ARHGEF12: variants seen among roughly 807,000 people sequenced by gnomAD.
ARHGEF12 encodes Rho guanine nucleotide exchange factor 12.
A neutral mutation model predicts 211.2 loss-of-function variants in ARHGEF12; 66 were observed. That is an observed-to-expected ratio of 0.31 (90% CI 0.26 to 0.38). ARHGEF12 has a LOEUF of 0.38. Ranked by LOEUF, ARHGEF12 falls within the 10% of genes least tolerant of loss-of-function variation. The probability of loss-of-function intolerance (pLI) is 1.00; values close to 1 mark genes in which losing one functional copy is unlikely to be tolerated. For missense variants in ARHGEF12, 1,429 were observed against 1,869.5 expected (o/e 0.76, Z 4.34); for synonymous variants, 592 against 638.4 (o/e 0.93, Z 1.09).
chr11:120,366,390 C>T (rs1463706661), intron 1 of ARHGEF12, among the ~76,000 whole-genome samples: 2 of 152,074 alleles, frequency 1.3e-5, no homozygotes, highest in East Asian at 1.9e-4. Flanking sequence ...ACTTCTGGCC[C>T]CAAGCAGTCC....
At chr11:120,373,958 C>T (rs1943657188) in intron 1 of ARHGEF12, among the ~76,000 whole-genome samples, 1 of 152,166 alleles carries the variant, frequency 6.6e-6, no homozygotes, top group African/African-American at 2.4e-5. Flanking sequence ...CAGGCATGCA[C>T]CACCACGCCC....
chr11:120,422,754 A>G (rs1018885759), intron 6 of ARHGEF12, among the ~76,000 whole-genome samples: 1 of 152,186 alleles, frequency 6.6e-6, no homozygotes, highest in Non-Finnish European at 1.5e-5. Flanking sequence ...ATAAAGATAT[A>G]AGAATCACTA....
chr11:120,347,009 C>T (rs746583292), intron 1 of ARHGEF12, among the ~76,000 whole-genome samples: 2 of 152,090 alleles, frequency 1.3e-5, no homozygotes, highest in African/African-American at 4.8e-5. Flanking sequence ...CAGCAGAGCA[C>T]GTTCATAGAG....
chr11:120,448,156 T>C, intron 19 of ARHGEF12, 78 bp from the exon 20 acceptor site: 1 of 1,108,896 alleles, frequency 9.0e-7, no homozygotes, highest in Non-Finnish European at 1.3e-6. Context: ...CTTGGGGTTT[T>C]GGAAATCATT....
intron 11 of ARHGEF12, among the ~76,000 whole-genome samples, chr11:120,432,727 A>G (rs377659941): frequency 6.6e-6 from 1 of 152,326 alleles, no homozygotes. Context: ...TTACATATAC[A>G]CACATCTACT....
At chr11:120,477,094 TTG>T in intron 34 of ARHGEF12, 123 bp from the exon 35 acceptor site, 1 of 678,300 alleles carries the variant, frequency 1.5e-6, no homozygotes, top group Non-Finnish European at 2.5e-6. Context: ...GTTGTTGTTG[TTG>T]TTGTTGTTGT....
At chr11:120,374,674 TTTTAG>T (rs1354521913) in intron 1 of ARHGEF12, among the ~76,000 whole-genome samples, 1 of 152,226 alleles carries the variant, frequency 6.6e-6, no homozygotes, top group Admixed American at 6.5e-5. Flanking sequence ...ACCTCGTGAA[TTTTAG>T]TTTAATGATC....
intron 29 of ARHGEF12, among the ~76,000 whole-genome samples, chr11:120,468,473 G>A (rs1239820131): frequency 1.3e-5 from 2 of 152,094 alleles, no homozygotes; most frequent in Non-Finnish European, 2.9e-5. Flanking sequence ...TTTTGAGACG[G>A]AGTCTCGCTC....
intron 1 of ARHGEF12, among the ~76,000 whole-genome samples, chr11:120,358,922 C>A (rs1438484569): frequency 6.6e-6 from 1 of 152,136 alleles, no homozygotes; most frequent in East Asian, 1.9e-4. Context: ...GAAGGCTCAA[C>A]TGCACCTGGT....
Position 120,485,150 on chromosome 11 carries a change from C to G in ARHGEF12, c.*73C>G, listed in dbSNP as rs1024539905. 3.1e-5 allele frequency: 49 copies of G among 1,581,962 alleles called. No homozygotes were observed. Among genetic ancestry groups the G allele is most frequent in the Non-Finnish European group, 4.0e-5 (46 of 1,152,696 alleles). On this transcript the variant is annotated 3_prime_UTR_variant, in exon 41 of 41. Coordinates refer to ENST00000397843, the MANE Select transcript of ARHGEF12 (RefSeq NM_015313.3). ...GGCCGTGTCTCACCACATCCTGGCT[C>G]CAGTGTGGATGCAGAGAGAGTGTGA...
At position 120,336,916 on chromosome 11, in the gene ARHGEF12, C is replaced by A; in HGVS notation, c.-328C>A. 2.3e-6 allele frequency: 1 copy of A among 434,802 alleles called. No homozygotes were observed. The highest frequency in any genetic ancestry group is 4.0e-6 in the Non-Finnish European group (1 of 247,824). The allele number at this position is 434,802 out of a possible 1,614,324, so 26.9% of individuals were successfully genotyped here. A position where few individuals can be genotyped will look rare whatever the true frequency, so the allele number is the denominator to read the frequency against. Reference sequence around the variant, plus strand: ...TCCCGCCCCAGCCCCGGCGGGAGTCCCGGGTCCCCTTCCCACTGCGCGCGG... The same window carrying A: ...TCCCGCCCCAGCCCCGGCGGGAGTCACGGGTCCCCTTCCCACTGCGCGCGG... On this transcript the variant is annotated 5_prime_UTR_variant, in exon 1 of 41. Coordinates refer to ENST00000397843, the MANE Select transcript of ARHGEF12 (RefSeq NM_015313.3).
chr11:120,354,444 C>G (rs981192596), intron 1 of ARHGEF12, among the ~76,000 whole-genome samples: 2 of 152,220 alleles, frequency 1.3e-5, no homozygotes, highest in Non-Finnish European at 2.9e-5. Context: ...CCACACACCC[C>G]ATATGAGCCA....
chr11:120,401,845 G>A (rs1372253519), intron 1 of ARHGEF12, among the ~76,000 whole-genome samples: 1 of 152,068 alleles, frequency 6.6e-6, no homozygotes, highest in Non-Finnish European at 1.5e-5. Flanking sequence ...ATATTTCTAT[G>A]CATTTTACTT....
In ARHGEF12 at chr11:120,479,927, GT is replaced by G. The variant is rs201551205; in HGVS notation, c.3767-25del. The G allele has an allele frequency of 2.5e-4, 398 of 1,570,386 alleles. 2 individuals are homozygous for G. Among genetic ancestry groups the G allele is most frequent in the East Asian group, 6.3e-4 (28 of 44,408 alleles). On this transcript the variant is annotated intron_variant, in intron 37 of 40. Transcript: ENST00000397843. ...AGCCTGAGGTTATAGTTGTGAATAT[GT>G]TTTTTTTCCCCCTCCTTCCTAAATC...
intron 34 of ARHGEF12, 89 bp downstream of exon 34, chr11:120,476,837 T>C (rs775893310): frequency 6.1e-5 from 66 of 1,086,598 alleles, no homozygotes; most frequent in Non-Finnish European, 8.5e-5. Flanking sequence ...GTTTTTATAA[T>C]GTATGGAAAC....
chr11:120,475,306 T>C (rs772132277), intron 32 of ARHGEF12, 34 bp from the exon 33 acceptor site: 1 of 1,595,410 alleles, frequency 6.3e-7, no homozygotes, highest in Admixed American at 1.7e-5. Flanking sequence ...TCCATTTCTG[T>C]ACTTACCATT....
At chr11:120,406,032 T>C in intron 1 of ARHGEF12, 86 bp from the exon 2 acceptor site, 2 of 1,018,356 alleles carry the variant, frequency 2.0e-6, no homozygotes, top group Non-Finnish European at 2.9e-6. Flanking sequence ...AAATCTCTTA[T>C]TCTGGTTCAG....
At chr11:120,450,050 G>A (rs934370522) in intron 21 of ARHGEF12, 6 of 152,166 alleles carry the variant, frequency 3.9e-5, no homozygotes, top group Non-Finnish European at 5.9e-5. Flanking sequence ...GTCATGTGAT[G>A]GTTCTTATCT....
chr11:120,477,735 A>G (rs7940963), intron 36 of ARHGEF12: 258,765 of 459,426 alleles, frequency 0.56, 76,114 homozygotes, highest in African/African-American at 0.81. Flanking sequence ...GCATGGTGGT[A>G]GGTGCCTGTA....
Sources: allele counts gnomAD v4.1 joint callset (sites outside exome capture counted in the v4.1 genomes callset), GRCh38; gene constraint gnomAD v4.1.1; transcripts MANE v1.5; gene names NCBI Gene and HGNC (gene_info 2026-07-23, HGNC 2026-07-21).